Variants in DENND1A observed in about 807,000 individuals in gnomAD.
DENND1A encodes the protein DENN domain-containing protein 1A.
In DENND1A, 51 loss-of-function variants were observed where a neutral mutation model predicts 113.7. The ratio of observed to expected loss-of-function variants is 0.45; its 90% CI spans 0.36 to 0.57. DENND1A has a LOEUF of 0.57. Among genes scored for constraint, DENND1A ranks in the 20% least tolerant of loss-of-function variants. The pLI, the probability that DENND1A is intolerant of heterozygous loss-of-function variation, is 0.00. For missense variants in DENND1A, 1,258 were observed against 1,395.9 expected, an observed-to-expected ratio of 0.90 and a Z score of 1.57; for synonymous variants, 565 against 570.8, an observed-to-expected ratio of 0.99 and a Z score of 0.14.
intron 3 of DENND1A, among the ~76,000 whole-genome samples, chr9:123,779,880 T>TTTTTTTTTTTTTTTTTTTTA (rs1564254952): frequency 6.6e-6 from 1 of 151,606 alleles, no homozygotes; most frequent in African/African-American, 2.4e-5. Context: ...GACTTTTTTT[T>TTTTTTTTTTTTTTTTTTTTA]GAGACGGAGT....
At chr9:123,457,256 T>A (rs1434684645) in intron 15 of DENND1A, 92 bp downstream of exon 15, 1 of 961,166 alleles carries the variant, frequency 1.0e-6, no homozygotes, top group Non-Finnish European at 1.7e-6. Flanking sequence ...TAAGCCCCAA[T>A]AAAGGAAAAG....
intron 19 of DENND1A, among the ~76,000 whole-genome samples, chr9:123,430,743 T>C (rs377699462): frequency 1.3e-5 from 2 of 152,164 alleles, no homozygotes; most frequent in African/African-American, 4.8e-5. Context: ...ACCTAGGTGA[T>C]GGGTTCATCT....
At position 123,440,492 on chromosome 9, in the gene DENND1A, C is replaced by T; in HGVS notation, c.1357-1G>A. 6.4e-7 allele frequency: 1 copy of T among 1,561,534 alleles called. No homozygotes were observed. Among genetic ancestry groups the T allele is most frequent in the Non-Finnish European group, 8.6e-7 (1 of 1,163,176 alleles). On this transcript the variant is annotated splice_acceptor_variant, in intron 18 of 23. Transcript: ENST00000394215. LOFTEE classifies it high-confidence loss of function. ...GGGCGCAGCCATTCTCGGCAATGTC[C>T]TGTAGGGAGAAGGATAGTCAGCGGT...
chr9:123,699,421 C>A (rs2065735571), intron 5 of DENND1A, among the ~76,000 whole-genome samples: 1 of 152,060 alleles, frequency 6.6e-6, no homozygotes, highest in Non-Finnish European at 1.5e-5. Context: ...CAACATCTAA[C>A]AGAAAACACC....
intron 1 of DENND1A, among the ~76,000 whole-genome samples, chr9:123,916,984 G>C (rs1227327887): frequency 6.6e-6 from 1 of 151,938 alleles, no homozygotes; most frequent in Non-Finnish European, 1.5e-5. Flanking sequence ...GAGGTCAGGA[G>C]ACCAGCCTGG....
chr9:123,548,984 C>G (rs2056877053), intron 13 of DENND1A, among the ~76,000 whole-genome samples: 1 of 152,200 alleles, frequency 6.6e-6, no homozygotes, highest in African/African-American at 2.4e-5. Flanking sequence ...TGCAAATAGA[C>G]AGTAGTGATG....
At chr9:123,507,043 G>C (rs1292590470) in intron 13 of DENND1A, among the ~76,000 whole-genome samples, 1 of 152,142 alleles carries the variant, frequency 6.6e-6, no homozygotes, top group Non-Finnish European at 1.5e-5. Flanking sequence ...ACAAAAATTA[G>C]CTGGGCATGG....
chr9:123,465,625 T>C (rs962363970), intron 13 of DENND1A, among the ~76,000 whole-genome samples: 8 of 152,314 alleles, frequency 5.3e-5, no homozygotes, highest in Middle Eastern at 3.4e-3. Flanking sequence ...AGGGTGGAGA[T>C]TGGGTCTTAC....
intron 12 of DENND1A, among the ~76,000 whole-genome samples, chr9:123,566,943 A>T (rs1397255094): frequency 6.6e-6 from 1 of 151,560 alleles, no homozygotes; most frequent in Non-Finnish European, 1.5e-5. Context: ...ACACACACAA[A>T]CACACACACA....
chr9:123,644,753 T>TGA (rs2062221803), intron 9 of DENND1A, among the ~76,000 whole-genome samples: 1 of 152,218 alleles, frequency 6.6e-6, no homozygotes, highest in Non-Finnish European at 1.5e-5. Flanking sequence ...CATAACGACC[T>TGA]ATATTCATGG....
At chr9:123,598,785 A>G (rs576502716) in intron 11 of DENND1A, among the ~76,000 whole-genome samples, 9 of 152,170 alleles carry the variant, frequency 5.9e-5, no homozygotes, top group Non-Finnish European at 2.9e-5. Context: ...CGGTCAGTAC[A>G]AAATATTTGC....
intron 4 of DENND1A, among the ~76,000 whole-genome samples, chr9:123,766,568 A>G (rs1003160237): frequency 1.3e-5 from 2 of 152,132 alleles, no homozygotes; most frequent in African/African-American, 2.4e-5. Context: ...TCTTCTCTAT[A>G]TATTTGGTGA....
chr9:123,620,635 T>C (rs1256106282), intron 10 of DENND1A, among the ~76,000 whole-genome samples: 1 of 152,188 alleles, frequency 6.6e-6, no homozygotes, highest in African/African-American at 2.4e-5. Flanking sequence ...GTTGAGGAAT[T>C]ACCTAACTAG....
intron 5 of DENND1A, among the ~76,000 whole-genome samples, chr9:123,695,210 A>C (rs2065433403): frequency 1.4e-5 from 2 of 143,284 alleles, no homozygotes; most frequent in African/African-American, 5.7e-5. Context: ...ATAACTCTCC[A>C]TATATATATA....
chr9:123,836,105 T>C (rs1048517612), intron 2 of DENND1A, among the ~76,000 whole-genome samples: 17 of 152,158 alleles, frequency 1.1e-4, no homozygotes, highest in African/African-American at 3.9e-4. Context: ...CAGGATAACA[T>C]AAATTCTTTC....
chr9:123,607,566 G>C (rs2060229230), intron 11 of DENND1A, among the ~76,000 whole-genome samples: 1 of 135,644 alleles, frequency 7.4e-6, no homozygotes, highest in South Asian at 2.6e-4. Context: ...GTGTGTGTGT[G>C]TGTGTGTGTG....
At position 123,478,372 on chromosome 9, in the gene DENND1A, C is replaced by T. The variant is rs560046800; in HGVS notation, c.994-20475G>A. 9.8e-5 allele frequency among the ~76,000 whole-genome samples: 15 copies of T among 152,352 alleles called. No homozygotes were observed. The South Asian group carries it at 3.1e-3, about 32-fold the overall frequency. Reference sequence around the variant, plus strand: ...GGTAGCTGTCACTCCCAGCCATTTCCCTGCCCGAGGCTAGCCTGTGAAATA... The same window carrying T: ...GGTAGCTGTCACTCCCAGCCATTTCTCTGCCCGAGGCTAGCCTGTGAAATA... On this transcript the variant is annotated intron_variant, in intron 13 of 23. Transcript: ENST00000394215.
intron 8 of DENND1A, among the ~76,000 whole-genome samples, chr9:123,659,308 G>A (rs764351165): frequency 3.3e-5 from 5 of 152,280 alleles, no homozygotes; most frequent in South Asian, 2.1e-4. Context: ...TACAGGCAGC[G>A]GAGCCCTGGG....
At chr9:123,727,987 T>G (rs975401685) in intron 5 of DENND1A, among the ~76,000 whole-genome samples, 4 of 151,812 alleles carry the variant, frequency 2.6e-5, no homozygotes, top group African/African-American at 9.7e-5. Flanking sequence ...GCTCCTGTAG[T>G]CCCAGTTACT....
Sources: gnomAD v4.1 joint callset for allele counts (sites outside exome capture counted in the v4.1 genomes callset) on GRCh38, gnomAD v4.1.1 for gene constraint, MANE v1.5 for transcripts, NCBI Gene and HGNC (gene_info 2026-07-23, HGNC 2026-07-21) for gene names.